EFNA5: variants seen among roughly 807,000 people sequenced by gnomAD.
EFNA5 encodes the protein ephrin A5.
In EFNA5, 5 loss-of-function variants were observed where a neutral mutation model predicts 22.9. That is an observed-to-expected ratio of 0.22 (90% CI 0.11 to 0.46). The LOEUF is 0.46. EFNA5 is among the 20% of genes least tolerant of loss of function. The pLI is 0.99. For synonymous variants in EFNA5, 113 were observed against 112.2 expected, an observed-to-expected ratio of 1.01 and a Z score of -0.04; for missense variants, 237 against 293.3, an observed-to-expected ratio of 0.81 and a Z score of 1.40.
chr5:107,501,454 G>C (rs928192818), intron 1 of EFNA5, among the ~76,000 whole-genome samples: 2 of 150,178 alleles, frequency 1.3e-5, no homozygotes, highest in African/African-American at 5.0e-5. Context: ...TAAAAGTACA[G>C]ATATTATAGC....
chr5:107,454,084 T>C (rs1303464787), intron 1 of EFNA5, among the ~76,000 whole-genome samples: 1 of 152,158 alleles, frequency 6.6e-6, no homozygotes, highest in Non-Finnish European at 1.5e-5. Context: ...CATAGCTAAC[T>C]AGCATGAACG....
chr5:107,480,610 A>G (rs77392617), intron 1 of EFNA5, among the ~76,000 whole-genome samples: 9,483 of 152,278 alleles, frequency 0.062, 357 homozygotes, highest in East Asian at 0.14. Context: ...CCAATACACC[A>G]ATTACGTGAA....
At chr5:107,471,695 A>T (rs1420998062) in intron 1 of EFNA5, among the ~76,000 whole-genome samples, 2 of 152,222 alleles carry the variant, frequency 1.3e-5, no homozygotes, top group Middle Eastern at 3.2e-3. Flanking sequence ...GGGCAAGGCC[A>T]TGTTGCTTAG....
chr5:107,420,026 A>T (rs1409428818), intron 2 of EFNA5, among the ~76,000 whole-genome samples: 1 of 152,186 alleles, frequency 6.6e-6, no homozygotes, highest in African/African-American at 2.4e-5. Context: ...TATTTCAATA[A>T]GAAAAACTAT....
intron 1 of EFNA5, among the ~76,000 whole-genome samples, chr5:107,572,375 AG>A (rs1270812592): frequency 6.6e-6 from 1 of 152,188 alleles, no homozygotes; most frequent in Admixed American, 6.5e-5. Flanking sequence ...ATCTTTGTCC[AG>A]TCACGGTTCT....
intron 1 of EFNA5, among the ~76,000 whole-genome samples, chr5:107,657,530 T>C (rs1330285741): frequency 6.6e-6 from 1 of 152,122 alleles, no homozygotes; most frequent in Non-Finnish European, 1.5e-5. Flanking sequence ...ATAGTTATTA[T>C]GAAATAGTAC....
intron 2 of EFNA5, among the ~76,000 whole-genome samples, chr5:107,399,248 T>C (rs1389263999): frequency 2.7e-5 from 4 of 150,206 alleles, no homozygotes; most frequent in African/African-American, 9.9e-5. Flanking sequence ...GGGTCAGAAG[T>C]TTGAGACCAG....
At chr5:107,623,169 G>A (rs962223774) in intron 1 of EFNA5, among the ~76,000 whole-genome samples, 1 of 150,362 alleles carries the variant, frequency 6.7e-6, no homozygotes, top group Non-Finnish European at 1.5e-5. Context: ...ATTTCATCTA[G>A]AGGTACCAGT....
intron 1 of EFNA5, 80 bp downstream of exon 1, chr5:107,670,409 C>T (rs1333522720): frequency 6.8e-7 from 1 of 1,460,114 alleles, no homozygotes; most frequent in Non-Finnish European, 9.0e-7. Flanking sequence ...GCGGTTGGTG[C>T]GCGCCGATCC....
At chr5:107,621,238 G>A (rs1479936417) in intron 1 of EFNA5, among the ~76,000 whole-genome samples, 2 of 152,118 alleles carry the variant, frequency 1.3e-5, no homozygotes, top group African/African-American at 2.4e-5. Context: ...GAGTAAGAGA[G>A]GACAAAGAAG....
chr5:107,623,578 T>C (rs1750083170), intron 1 of EFNA5, among the ~76,000 whole-genome samples: 1 of 152,120 alleles, frequency 6.6e-6, no homozygotes, highest in African/African-American at 2.4e-5. Flanking sequence ...AAACATAACT[T>C]TCCATGAAGT....
chr5:107,513,235 C>A (rs934669568), intron 1 of EFNA5, among the ~76,000 whole-genome samples: 1 of 152,122 alleles, frequency 6.6e-6, no homozygotes. Context: ...GCTTTGCCCC[C>A]TCCTGAGCCA....
intron 1 of EFNA5, among the ~76,000 whole-genome samples, chr5:107,484,099 T>C (rs1305624470): frequency 2.0e-5 from 3 of 152,224 alleles, no homozygotes; most frequent in Non-Finnish European, 4.4e-5. Context: ...AAGTTCACTC[T>C]GTCCTTAATT....
At chr5:107,592,797 G>T (rs1249326754) in intron 1 of EFNA5, among the ~76,000 whole-genome samples, 1 of 152,084 alleles carries the variant, frequency 6.6e-6, no homozygotes, top group Non-Finnish European at 1.5e-5. Context: ...TCTGTGACTG[G>T]GAGTAAGCCA....
intron 1 of EFNA5, among the ~76,000 whole-genome samples, chr5:107,526,157 C>G (rs1246762986): frequency 6.6e-6 from 1 of 152,116 alleles, no homozygotes; most frequent in South Asian, 2.1e-4. Context: ...ATAAAGGGAT[C>G]CAGGAAGTTT....
At chr5:107,413,993 C>T (rs1023524829) in intron 2 of EFNA5, among the ~76,000 whole-genome samples, 1 of 152,134 alleles carries the variant, frequency 6.6e-6, no homozygotes, top group African/African-American at 2.4e-5. Flanking sequence ...GTTGACATGA[C>T]CCTTCCATTT....
intron 1 of EFNA5, among the ~76,000 whole-genome samples, chr5:107,626,012 A>G (rs1750134357): frequency 6.6e-6 from 1 of 152,198 alleles, no homozygotes; most frequent in Non-Finnish European, 1.5e-5. Context: ...TGATAAATTC[A>G]TGCATTACAA....
chr5:107,461,831 A>G (rs1749843732), intron 1 of EFNA5, among the ~76,000 whole-genome samples: 1 of 152,142 alleles, frequency 6.6e-6, no homozygotes, highest in Non-Finnish European at 1.5e-5. Context: ...TAAAAAAAGC[A>G]TCTGTAATTT....
intron 2 of EFNA5, among the ~76,000 whole-genome samples, chr5:107,398,663 G>A (rs554743262): frequency 4.6e-5 from 7 of 151,854 alleles, no homozygotes; most frequent in African/African-American, 9.7e-5. Context: ...CCTGGGCAAC[G>A]TGGCAAGACC....
Sources: allele counts gnomAD v4.1 joint callset (sites outside exome capture counted in the v4.1 genomes callset), GRCh38; gene constraint gnomAD v4.1.1; transcripts MANE v1.5; gene names NCBI Gene and HGNC (gene_info 2026-07-23, HGNC 2026-07-21).